Variants in HECTD4 observed in about 807,000 individuals in gnomAD.
The protein encoded by HECTD4 is HECT domain E3 ubiquitin protein ligase 4, also known as probable E3 ubiquitin-protein ligase HECTD4.
In HECTD4, 114 loss-of-function variants were observed where a neutral mutation model predicts 471.5. The ratio of observed to expected loss-of-function variants is 0.24; its 90% CI spans 0.21 to 0.28. The LOEUF (loss-of-function observed/expected upper bound fraction) is 0.28, where lower values mean the gene tolerates loss of function less well. HECTD4 is among the 10% of genes least tolerant of loss of function. HECTD4 has a pLI of 1.00. For missense variants in HECTD4, 3,866 were observed against 5,651.5 expected (o/e 0.68, Z 10.13); for synonymous variants, 2,012 against 2,256.0 (o/e 0.89, Z 3.07).
At chr12:112,183,289 C>A in intron 61 of HECTD4, 23 bp from the exon 62 acceptor site, 2 of 1,592,322 alleles carry the variant, frequency 1.3e-6, no homozygotes, top group South Asian at 2.2e-5. Context: ...AGAACAGGGT[C>A]AGGATTTGAG....
At chr12:112,255,484 C>T (rs1233647003) in intron 21 of HECTD4, among the ~76,000 whole-genome samples, 2 of 152,134 alleles carry the variant, frequency 1.3e-5, no homozygotes, top group East Asian at 1.9e-4. Context: ...ATAGTATATA[C>T]AGTTAAGAAG....
At chr12:112,281,565 G>A (rs2034642020) in intron 8 of HECTD4, among the ~76,000 whole-genome samples, 1 of 152,022 alleles carries the variant, frequency 6.6e-6, no homozygotes. Flanking sequence ...AAAAAAAACT[G>A]TCCTCTAGAA....
chr12:112,181,332 A>C (rs1283322238), intron 62 of HECTD4, among the ~76,000 whole-genome samples: 1 of 152,150 alleles, frequency 6.6e-6, no homozygotes, highest in Non-Finnish European at 1.5e-5. Context: ...TTTAATTTTG[A>C]CTTTAAAAAA....
At chr12:112,255,311 G>A (rs1389451149) in intron 21 of HECTD4, among the ~76,000 whole-genome samples, 1 of 152,142 alleles carries the variant, frequency 6.6e-6, no homozygotes, top group African/African-American at 2.4e-5. Flanking sequence ...GGAGAGATAT[G>A]TTTCTGAAAG....
In HECTD4 at chr12:112,185,139, G is replaced by A. The variant is rs1346324605; in HGVS notation, c.9827C>T (p.Thr3276Ile). ...EVTLPTNMSV[T>I]ASGVTSATAP... ...GGTCGCTGAGGTCACCCCACTGGCT[G>A]TGACACTCATGTTAGTAGGCAGGGT... The change falls in exon 61 of 76, where the codon ACA (threonine) becomes ATA (isoleucine). Residue 3276 changes from threonine to isoleucine, a missense_variant. Around this residue, in one of 16 missense-constraint regions of HECTD4, gnomAD observed 38 missense variants for 72.1 expected, o/e 0.53. Coordinates refer to ENST00000682272, the MANE Select transcript of HECTD4 (RefSeq NM_001388303.1). The A allele has an allele frequency of 1.3e-6, 2 of 1,554,672 alleles. No homozygotes were observed. Among genetic ancestry groups the A allele is most frequent in the Non-Finnish European group, 1.7e-6 (2 of 1,148,566 alleles).
intron 21 of HECTD4, among the ~76,000 whole-genome samples, chr12:112,254,402 T>C (rs992812111): frequency 2.0e-5 from 3 of 152,186 alleles, no homozygotes; most frequent in Admixed American, 6.5e-5. Context: ...AAAAGAAGTA[T>C]ACTTTTTATA....
At position 112,179,685 on chromosome 12, in the gene HECTD4, C is replaced by T. The variant is rs180720121; in HGVS notation, c.10988-288G>A. ...TGGCCCCTACCTGGTTGCTCGGGGA[C>T]GACAGGCCCCTCCCCGAGGGTGGGC... On this transcript the variant is annotated intron_variant, in intron 62 of 75. Transcript: ENST00000682272. The surrounding 1 kb of genome is among the most constrained non-coding windows in gnomAD (Gnocchi z 4.3). Among the ~76,000 whole-genome samples the T allele has an allele frequency of 2.2e-4, 34 of 152,300 alleles. No individual in the cohort carries two copies. The highest frequency in any genetic ancestry group is 2.9e-4 in the Non-Finnish European group (20 of 68,014).
chr12:112,313,770 T>G (rs1312219738), intron 3 of HECTD4, among the ~76,000 whole-genome samples: 2 of 152,040 alleles, frequency 1.3e-5, no homozygotes, highest in East Asian at 1.9e-4. Context: ...ATCACACGCA[T>G]GAGCCATCAC....
In HECTD4 at chr12:112,212,492, T is replaced by C. The variant is rs2032791849; in HGVS notation, c.7624A>G (p.Lys2542Glu). Residue 2542 changes from lysine to glutamate, a missense_variant, in exon 49 of 76, where the codon AAA becomes GAA. Around this residue, in one of 16 missense-constraint regions of HECTD4, gnomAD observed 617 missense variants for 915.1 expected, o/e 0.67. Coordinates refer to ENST00000682272, the MANE Select transcript of HECTD4 (RefSeq NM_001388303.1). ...TTCCCAACAAGGTAACCTGCCTTTT[T>C]CTGAATGTGAACCACTGGCCACATG... is the stretch of plus-strand genomic sequence containing the variant. ...GGMWPVVHIQ[K>E]KNTKTRANFG... The C allele has an allele frequency of 1.2e-6, 2 of 1,609,370 alleles. No homozygotes were observed. Among genetic ancestry groups the C allele is most frequent in the Non-Finnish European group, 1.7e-6 (2 of 1,177,188 alleles).
rs1443933418 is a variant in HECTD4, at chr12:112,381,097, C to A, written c.177+855G>T. 2.0e-5 allele frequency among the ~76,000 whole-genome samples: 3 copies of A among 152,190 alleles called. No individual in the cohort carries two copies. The highest frequency in any genetic ancestry group is 4.8e-5 in the African/African-American group (2 of 41,440). On this transcript the variant is annotated intron_variant, in intron 1 of 75. Transcript: ENST00000682272. The surrounding 1 kb of genome is among the most constrained non-coding windows in gnomAD (Gnocchi z 4.1). ...ATCCGTTGGCCTCCATGAAACGACA[C>A]TGCCAGTATTCCCACCTCTAGGCAA... is the stretch of plus-strand genomic sequence containing the variant.
chr12:112,344,750 C>T (rs2036116373), intron 1 of HECTD4, among the ~76,000 whole-genome samples: 1 of 151,932 alleles, frequency 6.6e-6, no homozygotes, highest in African/African-American at 2.4e-5. Flanking sequence ...GAAACCCCGT[C>T]TCTATTAAAA....
At chr12:112,259,039 G>A (rs1232619996) in intron 19 of HECTD4, 73 bp downstream of exon 19, 2 of 1,350,090 alleles carry the variant, frequency 1.5e-6, no homozygotes, top group Non-Finnish European at 2.0e-6. Context: ...TCTGTCTTCA[G>A]TGAAAGCAAA....
chr12:112,287,017 G>A (rs1037350214), intron 7 of HECTD4, among the ~76,000 whole-genome samples: 1 of 152,160 alleles, frequency 6.6e-6, no homozygotes, highest in Non-Finnish European at 1.5e-5. Flanking sequence ...CATGTCATGA[G>A]CAATCAATCC....
intron 67 of HECTD4, 71 bp downstream of exon 67, chr12:112,172,581 CTAAATGAATCTAGCCCTTG>C: frequency 7.7e-7 from 1 of 1,305,798 alleles, no homozygotes; most frequent in Non-Finnish European, 1.1e-6. Context: ...CGATGGACGT[CTAAATGAATCTAGCCCTTG>C]TAAATGCCCC....
At chr12:112,310,731 A>G (rs1379960409) in intron 4 of HECTD4, among the ~76,000 whole-genome samples, 1 of 152,238 alleles carries the variant, frequency 6.6e-6, no homozygotes, top group Non-Finnish European at 1.5e-5. Context: ...TTTTTAAAAC[A>G]TTAATTTCAC....
chr12:112,258,642 T>C, intron 19 of HECTD4, 46 bp from the exon 20 acceptor site: 1 of 1,485,810 alleles, frequency 6.7e-7, no homozygotes, highest in East Asian at 2.3e-5. Context: ...TACTGTCAGT[T>C]ATCTGAATGG....
chr12:112,311,378 T>C (rs2035367052), intron 4 of HECTD4, among the ~76,000 whole-genome samples: 1 of 151,720 alleles, frequency 6.6e-6, no homozygotes, highest in Non-Finnish European at 1.5e-5. Flanking sequence ...GGTGGGAGGA[T>C]GGCTTGAGCT....
intron 34 of HECTD4, among the ~76,000 whole-genome samples, chr12:112,238,570 C>A (rs1222897911): frequency 1.3e-5 from 2 of 151,980 alleles, no homozygotes; most frequent in Non-Finnish European, 2.9e-5. Context: ...CAAACAACAA[C>A]AACAAAAAAC....
Position 112,163,280 on chromosome 12 carries a change from C to T in HECTD4, c.12898-16G>A, listed in dbSNP as rs955938029. 6.2e-7 allele frequency: 1 copy of T among 1,600,690 alleles called. No individual in the cohort carries two copies. Among genetic ancestry groups the T allele is most frequent in the Non-Finnish European group, 8.5e-7 (1 of 1,170,916 alleles). ...TGGTGTGGGCCTGGGGAGGAGAGGT[C>T]CAGGTGTCAGGAGCCCTGGAGCCCC... On this transcript the variant is annotated splice_polypyrimidine_tract_variant and intron_variant, in intron 74 of 75. Coordinates refer to ENST00000682272, the MANE Select transcript of HECTD4 (RefSeq NM_001388303.1). The surrounding 1 kb of genome is among the most constrained non-coding windows in gnomAD (Gnocchi z 8.2).
Sources: gnomAD v4.1 joint callset for allele counts (sites outside exome capture counted in the v4.1 genomes callset) on GRCh38, gnomAD v4.1.1 for gene constraint, gnomAD v4.1.1 regional missense constraint, Gnocchi (gnomAD v3.1) non-coding constraint, MANE v1.5 for transcripts, NCBI Gene and HGNC (gene_info 2026-07-23, HGNC 2026-07-21) for gene names.